Variants in CSMD1 observed in about 807,000 individuals in gnomAD.
CSMD1 encodes the protein CUB and sushi domain-containing protein 1.
In CSMD1, 213 loss-of-function variants were observed where a neutral mutation model predicts 417.5. The observed-to-expected ratio is 0.51, with a 90% CI of 0.46 to 0.57. The LOEUF is 0.57. Among genes scored for constraint, CSMD1 ranks in the 20% least tolerant of loss-of-function variants. The pLI is 0.00. For synonymous variants in CSMD1, 2,862 were observed against 1,736.8 expected, an observed-to-expected ratio of 1.65 and a Z score of -16.11; for missense variants, 6,923 against 4,529.7, an observed-to-expected ratio of 1.53 and a Z score of -15.17.
chr8:4,244,685 C>T (rs1802597425), intron 3 of CSMD1, among the ~76,000 whole-genome samples: 1 of 152,042 alleles, frequency 6.6e-6, no homozygotes, highest in Non-Finnish European at 1.5e-5. Flanking sequence ...GTGTTATTTT[C>T]ACACATCATT....
intron 50 of CSMD1, among the ~76,000 whole-genome samples, chr8:3,042,900 T>C (rs980218392): frequency 6.6e-6 from 1 of 152,106 alleles, no homozygotes; most frequent in African/African-American, 2.4e-5. Flanking sequence ...TATGGAAACC[T>C]ACAGTACAAG....
intron 3 of CSMD1, among the ~76,000 whole-genome samples, chr8:4,127,847 T>C (rs1367549509): frequency 6.6e-6 from 1 of 152,130 alleles, no homozygotes; most frequent in Admixed American, 6.5e-5. Context: ...TTGTTACTGT[T>C]TTGCAGATGA....
At chr8:4,595,112 CT>C (rs1800185352) in intron 2 of CSMD1, among the ~76,000 whole-genome samples, 1 of 151,938 alleles carries the variant, frequency 6.6e-6, no homozygotes, top group South Asian at 2.1e-4. Context: ...ATTTTAAAAG[CT>C]TGGGGAATTT....
chr8:3,366,348 G>C (rs1018671099), intron 20 of CSMD1, among the ~76,000 whole-genome samples: 3 of 151,326 alleles, frequency 2.0e-5, no homozygotes, highest in African/African-American at 4.9e-5. Flanking sequence ...CACATGTTTG[G>C]CCAGTTTTTA....
rs1373534738 is a variant in CSMD1 at position 3,092,809 on chromosome 8, G to C, written c.7139-1147C>G. Among the ~76,000 whole-genome samples the C allele has an allele frequency of 3.9e-5, 6 of 152,118 alleles. No individual in the cohort carries two copies. The East Asian group carries it at 1.2e-3, about 29-fold the overall frequency. On this transcript the variant is annotated intron_variant, in intron 47 of 69. Coordinates refer to ENST00000635120, the MANE Select transcript of CSMD1 (RefSeq NM_033225.6). ...ACAACGCTACTCTGTAATGAGCTCA[G>C]CATTATCTCATACTCGTAAAAGCGT...
At chr8:3,903,362 CA>C (rs1807892585) in intron 5 of CSMD1, among the ~76,000 whole-genome samples, 1 of 151,798 alleles carries the variant, frequency 6.6e-6, no homozygotes, top group Non-Finnish European at 1.5e-5. Flanking sequence ...CTACAGGGTT[CA>C]ACAAAACAAT....
chr8:3,976,318 C>A (rs1035892673), intron 5 of CSMD1, among the ~76,000 whole-genome samples: 4 of 152,038 alleles, frequency 2.6e-5, no homozygotes, highest in African/African-American at 9.7e-5. Context: ...CTCATAGAGT[C>A]AATGCGTTTT....
chr8:4,067,186 C>A (rs1799297308), intron 3 of CSMD1, among the ~76,000 whole-genome samples: 1 of 152,176 alleles, frequency 6.6e-6, no homozygotes, highest in Non-Finnish European at 1.5e-5. Context: ...AAAGGCTATC[C>A]TCCGTCTTTG....
In CSMD1 at chr8:3,142,674, C is replaced by T; in HGVS notation, c.6032G>A (p.Gly2011Asp). ...TWRISLPIGYGAHIQFLNFST... is the reference protein window; with the variant it reads ...TWRISLPIGYDAHIQFLNFST... ...AAAATTCAGAAACTGAATATGTGCACCTATGGAAAAACATGCAAACTTAAT... is the reference window on the plus strand; with the variant it reads ...AAAATTCAGAAACTGAATATGTGCATCTATGGAAAAACATGCAAACTTAAT... Residue 2011 changes from glycine to aspartate, a missense_variant and splice_region_variant, in exon 41 of 70, where the codon GGT becomes GAT. By Grantham distance (94) the Gly-to-Asp change is moderately conservative (BLOSUM62 -1). Transcript: ENST00000635120. The T allele has an allele frequency of 3.7e-6, 6 of 1,609,554 alleles. No homozygotes were observed. The highest frequency in any genetic ancestry group is 5.1e-6 in the Non-Finnish European group (6 of 1,175,960).
intron 3 of CSMD1, among the ~76,000 whole-genome samples, chr8:4,159,885 C>G (rs536651867): frequency 5.7e-4 from 86 of 152,142 alleles, no homozygotes; most frequent in African/African-American, 1.9e-3. Flanking sequence ...TGCGAGCTAG[C>G]CTATGAGGAT....
intron 49 of CSMD1, 132 bp from the exon 50 acceptor site, chr8:3,052,779 T>C (rs1811946385): frequency 1.3e-5 from 8 of 626,152 alleles, no homozygotes; most frequent in South Asian, 5.9e-5. Context: ...TTCTTTTTTT[T>C]TCTTTCTTTT....
intron 3 of CSMD1, among the ~76,000 whole-genome samples, chr8:4,064,037 G>T (rs779507808): frequency 6.6e-6 from 1 of 152,204 alleles, no homozygotes; most frequent in Non-Finnish European, 1.5e-5. Context: ...ACTGACACCA[G>T]CTGAGAGTGA....
At chr8:4,836,882 T>C (rs1360834025) in intron 1 of CSMD1, among the ~76,000 whole-genome samples, 2 of 152,074 alleles carry the variant, frequency 1.3e-5, no homozygotes, top group Non-Finnish European at 2.9e-5. Flanking sequence ...TAGAGCCACC[T>C]CTCACTCTGT....
At chr8:4,704,932 T>C (rs1002169417) in intron 1 of CSMD1, among the ~76,000 whole-genome samples, 2 of 152,202 alleles carry the variant, frequency 1.3e-5, no homozygotes, top group African/African-American at 4.8e-5. Flanking sequence ...GTAAACTCCA[T>C]GGGTAGTATG....
At chr8:3,282,069 C>A (rs931092253) in intron 26 of CSMD1, among the ~76,000 whole-genome samples, 1 of 152,138 alleles carries the variant, frequency 6.6e-6, no homozygotes, top group Non-Finnish European at 1.5e-5. Context: ...TTCTGTACAG[C>A]CTGCTGAGTT....
At chr8:3,325,739 G>C (rs1281308680) in intron 23 of CSMD1, among the ~76,000 whole-genome samples, 1 of 152,146 alleles carries the variant, frequency 6.6e-6, no homozygotes, top group Non-Finnish European at 1.5e-5. Context: ...CAAGGGAATT[G>C]CTTGAACCCG....
intron 5 of CSMD1, 30 bp downstream of exon 5, chr8:3,997,873 T>A: frequency 1.3e-6 from 2 of 1,587,482 alleles, no homozygotes; most frequent in Non-Finnish European, 1.7e-6. Context: ...CACACCTGTA[T>A]CCTTTGTGGC....
In CSMD1 at chr8:3,066,741, C is replaced by A. The variant is rs115417963; in HGVS notation, c.7475-14094G>T. On this transcript the variant is annotated intron_variant, in intron 49 of 69. Coordinates refer to ENST00000635120, the MANE Select transcript of CSMD1 (RefSeq NM_033225.6). ...GGGAGATTACCAATTCTGATAATTG[C>A]ATGGTAATGGAAACTCCACGGAGAA... 5.8e-3 allele frequency among the ~76,000 whole-genome samples: 888 copies of A among 152,236 alleles called. 11 individuals carry two copies. Among genetic ancestry groups the A allele is most frequent in the African/African-American group, 0.02 (849 of 41,534 alleles).
chr8:4,614,059 T>C (rs17070808), intron 2 of CSMD1, among the ~76,000 whole-genome samples: 20,225 of 152,014 alleles, frequency 0.13, 1,461 homozygotes, highest in East Asian at 0.25. Flanking sequence ...TGATAAGCAA[T>C]ATAGAGCCAA....
Sources: allele counts gnomAD v4.1 joint callset (sites outside exome capture counted in the v4.1 genomes callset), GRCh38; gene constraint gnomAD v4.1.1; transcripts MANE v1.5; gene names NCBI Gene and HGNC (gene_info 2026-07-23, HGNC 2026-07-21).